PRKD3: variants seen among roughly 807,000 people sequenced by gnomAD.
PRKD3 encodes the protein protein kinase D3, also known as serine/threonine-protein kinase D3.
A neutral mutation model predicts 99.2 loss-of-function variants in PRKD3; 47 were observed. That is an observed-to-expected ratio of 0.47 (90% CI 0.38 to 0.60). The LOEUF (loss-of-function observed/expected upper bound fraction) is 0.60, where lower values mean the gene tolerates loss of function less well. PRKD3 is among the 20% of genes least tolerant of loss of function. PRKD3 has a pLI of 0.00. For synonymous variants in PRKD3, 392 were observed against 355.4 expected (o/e 1.10, Z -1.16); for missense variants, 1,019 against 1,088.4 (o/e 0.94, Z 0.90).
intron 9 of PRKD3, among the ~76,000 whole-genome samples, chr2:37,276,337 T>C (rs1669569903): frequency 6.6e-6 from 1 of 152,180 alleles, no homozygotes; most frequent in South Asian, 2.1e-4. Flanking sequence ...TAATGCAGTA[T>C]GTTAATAACT....
rs1251873275 is a variant in PRKD3 at position 37,253,325 on chromosome 2, C to G, written c.2525G>C (p.Arg842Thr). 6.2e-7 allele frequency: 1 copy of G among 1,612,528 alleles called. No individual in the cohort carries two copies. Among genetic ancestry groups the G allele is most frequent in the African/African-American group, 1.3e-5 (1 of 74,968 alleles). ...TTCTCCAATGCGAGTTTCAAATTCT[C>G]TAAGGTCAAGCCAAGTCTGATAGTC... Reference protein sequence around the residue: ...LQDYQTWLDLREFETRIGERY... With the variant: ...LQDYQTWLDLTEFETRIGERY... The change falls in exon 19 of 19, where the codon AGA becomes ACA. Residue 842 changes from arginine (R) to threonine (T), a missense_variant. Arg to Thr is a moderately conservative substitution (Grantham distance 71). This residue lies in a region of PRKD3 where 125 missense variants were observed against 120.6 expected (regional missense o/e 1.04). Coordinates refer to ENST00000234179, the MANE Select transcript of PRKD3 (RefSeq NM_005813.6).
Position 37,256,920 on chromosome 2 carries a change from A to G in PRKD3, c.2155T>C (p.Cys719Arg). 1 of 1,613,980 alleles carries G rather than the reference A, an allele frequency of 6.2e-7. No homozygotes were observed. Among genetic ancestry groups the G allele is most frequent in the Non-Finnish European group, 8.5e-7 (1 of 1,179,894 alleles). Residue 719 changes from cysteine to arginine, a missense_variant, in exon 17 of 19, where the codon TGT (cysteine) becomes CGT (arginine). Coordinates refer to ENST00000234179, the MANE Select transcript of PRKD3 (RefSeq NM_005813.6). ...ATGATGCGTGCAAATCCAAAGTCAC[A>G]CAGCTTCACCTGGAAATTGAAGGAT... ...SAEPFPQVKLCDFGFARIIGE... is the reference protein window; with the variant it reads ...SAEPFPQVKLRDFGFARIIGE...
In PRKD3 at chr2:37,323,844, T is replaced by C. The variant is rs1015031852; in HGVS notation, c.-656+837A>G. On this transcript the variant is annotated intron_variant, in intron 1 of 18. Transcript: ENST00000234179. ...ATCAAAGATGACACCGATAGTCTTATTTCCTGTGGGGATGGGTGTGATTGA... is the reference window on the plus strand; with the variant it reads ...ATCAAAGATGACACCGATAGTCTTACTTCCTGTGGGGATGGGTGTGATTGA... Among the ~76,000 whole-genome samples, 49 of 152,208 alleles carry C rather than the reference T, an allele frequency of 3.2e-4. 1 individual carries two copies. The highest frequency in any genetic ancestry group is 1.2e-3 in the African/African-American group (49 of 41,456).
intron 12 of PRKD3, among the ~76,000 whole-genome samples, chr2:37,271,467 C>A (rs936083556): frequency 6.6e-6 from 1 of 152,192 alleles, no homozygotes; most frequent in African/African-American, 2.4e-5. Flanking sequence ...TTTCTTGTCA[C>A]AACCACATAG....
At chr2:37,305,519 T>G (rs1488106581) in intron 2 of PRKD3, among the ~76,000 whole-genome samples, 1 of 152,190 alleles carries the variant, frequency 6.6e-6, no homozygotes, top group Non-Finnish European at 1.5e-5. Flanking sequence ...CTTAGCAATA[T>G]GAAAGCAAAA....
chr2:37,262,459 G>A (rs989984050), intron 14 of PRKD3, among the ~76,000 whole-genome samples: 1 of 152,142 alleles, frequency 6.6e-6, no homozygotes, highest in African/African-American at 2.4e-5. Context: ...AAATAGACTT[G>A]TTTGCTAATC....
chr2:37,296,853 T>C (rs1402136653), intron 2 of PRKD3, among the ~76,000 whole-genome samples: 1 of 135,154 alleles, frequency 7.4e-6, no homozygotes, highest in Non-Finnish European at 1.5e-5. Context: ...TGAGCTGAGA[T>C]GGCACCACCG....
chr2:37,266,624 T>C (rs1164699254), intron 14 of PRKD3, among the ~76,000 whole-genome samples: 2 of 152,094 alleles, frequency 1.3e-5, no homozygotes, highest in African/African-American at 4.8e-5. Context: ...GTAGCTGGGA[T>C]TATGGGCATG....
At chr2:37,308,886 T>C (rs1162486289) in intron 2 of PRKD3, among the ~76,000 whole-genome samples, 1 of 152,138 alleles carries the variant, frequency 6.6e-6, no homozygotes, top group Non-Finnish European at 1.5e-5. Flanking sequence ...TACCTAAAAG[T>C]ACCTTGTGCT....
chr2:37,298,814 T>C (rs973245121), intron 2 of PRKD3, among the ~76,000 whole-genome samples: 1 of 152,240 alleles, frequency 6.6e-6, no homozygotes, highest in Admixed American at 6.5e-5. Flanking sequence ...TCAGTTCTAA[T>C]GGTTTTTTGG....
chr2:37,316,503 G>C lies in PRKD3; in HGVS notation c.22C>G (p.Pro8Ala), dbSNP rs758008836. 6.2e-7 allele frequency: 1 copy of C among 1,613,344 alleles called. No individual in the cohort carries two copies. The highest frequency in any genetic ancestry group is 1.1e-5 in the South Asian group (1 of 90,932). The stretch of plus-strand genomic sequence containing the variant: ...GGTAATACAGACTTCTGGGCTGATG[G>C]AGGGGAATTATTTGCAGACATCTGC... Reference protein sequence around the residue: MSANNSPPSAQKSVLPTA... With the variant: MSANNSPASAQKSVLPTA... Residue 8 changes from proline (P) to alanine (A), a missense_variant, in exon 2 of 19, where the codon CCA becomes GCA. Pro to Ala is a conservative substitution (Grantham distance 27). Coordinates refer to ENST00000234179, the MANE Select transcript of PRKD3 (RefSeq NM_005813.6).
rs1039699817 is a variant in PRKD3 at position 37,316,759 on chromosome 2, T to C, written c.-235A>G. The C allele has an allele frequency of 1.0e-5, 14 of 1,355,446 alleles. No homozygotes were observed. The highest frequency in any genetic ancestry group is 2.8e-4 in the Middle Eastern group (1 of 3,622). The allele number at this position is 1,355,446 out of a possible 1,614,324, so 84.0% of individuals were successfully genotyped here. ...TCCCATCAAAAAGCAGTCTTGTCTG[T>C]AGGAAGACAACCAGGGATTTGTAAA... On this transcript the variant is annotated 5_prime_UTR_variant, in exon 2 of 19. Coordinates refer to ENST00000234179, the MANE Select transcript of PRKD3 (RefSeq NM_005813.6).
rs537586536 is a variant in PRKD3 at position 37,323,401 on chromosome 2, C to A, written c.-656+1280G>T. On this transcript the variant is annotated intron_variant, in intron 1 of 18. Coordinates refer to ENST00000234179, the MANE Select transcript of PRKD3 (RefSeq NM_005813.6). ...CTCCAAGCTCATGCACTCAGGCCCA[C>A]CACAACTGTATTACTACCTACTGAA... Among the ~76,000 whole-genome samples, 123 of 151,954 alleles carry A rather than the reference C, an allele frequency of 8.1e-4. 1 individual carries two copies. The highest frequency in any genetic ancestry group is 2.8e-3 in the African/African-American group (114 of 41,392).
intron 14 of PRKD3, among the ~76,000 whole-genome samples, chr2:37,262,425 G>C (rs1287784762): frequency 2.6e-5 from 4 of 152,112 alleles, no homozygotes; most frequent in Non-Finnish European, 5.9e-5. Flanking sequence ...AAAATGTTTA[G>C]AAAGTGAAAT....
At chr2:37,262,186 T>C (rs1668514127) in intron 14 of PRKD3, among the ~76,000 whole-genome samples, 1 of 152,228 alleles carries the variant, frequency 6.6e-6, no homozygotes, top group South Asian at 2.1e-4. Flanking sequence ...TAGCTGATTA[T>C]GCTAGGGGGA....
In PRKD3 at chr2:37,258,102, T is replaced by C. The variant is rs568309140; in HGVS notation, c.2146-1173A>G. ...AATGCCAGGTACTTTCTGGAGGAAA[T>C]GCTCTGACTTAAAAAATGTCTTTAG... On this transcript the variant is annotated intron_variant, in intron 16 of 18. Coordinates refer to ENST00000234179, the MANE Select transcript of PRKD3 (RefSeq NM_005813.6). 3.9e-5 allele frequency among the ~76,000 whole-genome samples: 6 copies of C among 152,268 alleles called. No homozygotes were observed. The South Asian group carries it at 1.0e-3, about 26-fold the overall frequency.
intron 14 of PRKD3, 75 bp from the exon 15 acceptor site, chr2:37,260,459 T>C (rs1437191764): frequency 1.5e-6 from 2 of 1,311,578 alleles, no homozygotes; most frequent in Admixed American, 2.0e-5. Flanking sequence ...TGTGCTATGA[T>C]TGTCTGAAAT....
Position 37,316,420 on chromosome 2 carries a change from T to C in PRKD3, c.105A>G (p.Gly35=). The change falls in exon 2 of 19, where the codon GGA becomes GGG. Residue 35 remains glycine (G), a synonymous_variant. Transcript: ENST00000234179. ...TTCCATTAGAGAGTCGGGCAGAGAG[T>C]CCCGTCTTAGGACTTGAACACGGAG... ...AASPCSSPKT[G]LSARLSNGSF... is the part of the protein sequence containing the mutation. The C allele has an allele frequency of 6.2e-7, 1 of 1,614,000 alleles. No individual in the cohort carries two copies.
At chr2:37,298,927 G>A (rs1670789496) in intron 2 of PRKD3, among the ~76,000 whole-genome samples, 1 of 152,114 alleles carries the variant, frequency 6.6e-6, no homozygotes, top group Admixed American at 6.5e-5. Context: ...TCTTTCTCTT[G>A]TCTAATTGCT....
Sources: allele counts gnomAD v4.1 joint callset (sites outside exome capture counted in the v4.1 genomes callset), GRCh38; gene constraint gnomAD v4.1.1; regional missense constraint gnomAD v4.1.1; transcripts MANE v1.5; gene names NCBI Gene and HGNC (gene_info 2026-07-23, HGNC 2026-07-21).